The following SDK1 variants were observed in gnomAD, a reference collection of about 807,000 sequenced individuals.
SDK1 encodes the protein protein sidekick-1.
Under a neutral mutation model 245.5 loss-of-function variants are expected in SDK1, and 157 were observed. The observed-to-expected ratio is 0.64, with a 90% confidence interval of 0.56 to 0.73. The LOEUF is 0.73. Among genes scored for constraint, SDK1 ranks in the 30% least tolerant of loss-of-function variants. The pLI, the probability that SDK1 is intolerant of heterozygous loss-of-function variation, is 0.00. For synonymous variants in SDK1, 1,647 were observed against 1,278.5 expected (o/e 1.29, Z -6.15); for missense variants, 3,583 against 3,002.3 (o/e 1.19, Z -4.52).
At chr7:4,105,909 C>A (rs1175343664) in intron 22 of SDK1, among the ~76,000 whole-genome samples, 1 of 152,250 alleles carries the variant, frequency 6.6e-6, no homozygotes, top group South Asian at 2.1e-4. Context: ...TGACAAACCG[C>A]GGCTGCAGGA....
At position 3,969,444 on chromosome 7, in the gene SDK1, C is replaced by A. The variant is rs369932117; in HGVS notation, c.1714+20C>A. On this transcript the variant is annotated intron_variant, in intron 11 of 44. Coordinates refer to ENST00000404826, the MANE Select transcript of SDK1 (RefSeq NM_152744.4). ...TGTGGAGTAAGGAGCAGCCCTCGCA[C>A]GTCGGCCTTCTGTTAGCCACGGTTT... The A allele has an allele frequency of 9.8e-5, 148 of 1,507,064 alleles. No individual in the cohort carries two copies. In the African/African-American group the frequency reaches 1.9e-3, roughly 19 times the overall value. The allele number at this position is 1,507,064 out of a possible 1,614,324, so 93.4% of individuals were successfully genotyped here.
At chr7:4,044,061 T>TA (rs1489912835) in intron 17 of SDK1, among the ~76,000 whole-genome samples, 4 of 152,202 alleles carry the variant, frequency 2.6e-5, no homozygotes, top group African/African-American at 4.8e-5. Flanking sequence ...CCCCAAAACT[T>TA]AGAGATTAAA....
chr7:3,900,649 T>A (rs1292419958), intron 5 of SDK1, among the ~76,000 whole-genome samples: 1 of 152,104 alleles, frequency 6.6e-6, no homozygotes, highest in African/African-American at 2.4e-5. Flanking sequence ...AAATGTAAGG[T>A]GAATTAACTG....
chr7:3,547,065 G>C (rs918239007), intron 1 of SDK1, among the ~76,000 whole-genome samples: 1 of 152,068 alleles, frequency 6.6e-6, no homozygotes, highest in Non-Finnish European at 1.5e-5. Flanking sequence ...ACCAGCACTA[G>C]CATTTTTCTT....
intron 5 of SDK1, among the ~76,000 whole-genome samples, chr7:3,823,976 T>C (rs1779708467): frequency 6.6e-6 from 1 of 151,506 alleles, no homozygotes; most frequent in African/African-American, 2.4e-5. Flanking sequence ...TTTTTTTTTC[T>C]GCTAAAAGTT....
chr7:4,265,054 C>T, intron 44 of SDK1, 70 bp from the exon 45 acceptor site: 1 of 1,556,180 alleles, frequency 6.4e-7, no homozygotes, highest in Non-Finnish European at 8.6e-7. Flanking sequence ...CACCGCCAGG[C>T]CTCCTGCCCA....
chr7:4,004,716 T>A (rs916192678), intron 14 of SDK1, among the ~76,000 whole-genome samples: 14 of 152,324 alleles, frequency 9.2e-5, no homozygotes, highest in African/African-American at 3.1e-4. Flanking sequence ...TGTCAATTCA[T>A]CCCTAAGTGA....
chr7:4,137,491 C>T (rs996794601), intron 28 of SDK1, among the ~76,000 whole-genome samples: 6 of 152,176 alleles, frequency 3.9e-5, no homozygotes, highest in South Asian at 2.1e-4. Flanking sequence ...AGGCCCGTGG[C>T]GCAGTCCCTT....
chr7:3,991,252 GCCCGTGAGAT>G, intron 14 of SDK1, among the ~76,000 whole-genome samples: 1 of 152,150 alleles, frequency 6.6e-6, no homozygotes, highest in Non-Finnish European at 1.5e-5. Context: ...GGAAACAACT[GCCCGTGAGAT>G]GGGGCTGGGG....
At chr7:3,619,517 T>G (rs1253745686) in intron 2 of SDK1, among the ~76,000 whole-genome samples, 1 of 152,210 alleles carries the variant, frequency 6.6e-6, no homozygotes, top group Non-Finnish European at 1.5e-5. Flanking sequence ...GCAATGCCAA[T>G]AACAGCTTTG....
At chr7:3,393,284 T>C (rs1475236894) in intron 1 of SDK1, among the ~76,000 whole-genome samples, 1 of 152,070 alleles carries the variant, frequency 6.6e-6, no homozygotes, top group East Asian at 1.9e-4. Flanking sequence ...TATTTTCAGT[T>C]CTTTTGGATG....
At chr7:3,829,437 C>G (rs1266877526) in intron 5 of SDK1, among the ~76,000 whole-genome samples, 1 of 152,108 alleles carries the variant, frequency 6.6e-6, no homozygotes, top group Admixed American at 6.5e-5. Flanking sequence ...CACGACAGCC[C>G]TGTGAGTTAA....
intron 4 of SDK1, among the ~76,000 whole-genome samples, chr7:3,708,851 C>T (rs1367222068): frequency 1.3e-5 from 2 of 152,230 alleles, no homozygotes; most frequent in East Asian, 1.9e-4. Flanking sequence ...TCTATCTATT[C>T]TGCCCATGTG....
At chr7:3,379,252 G>C (rs920316905) in intron 1 of SDK1, among the ~76,000 whole-genome samples, 1 of 152,172 alleles carries the variant, frequency 6.6e-6, no homozygotes, top group Admixed American at 6.5e-5. Context: ...TGGAGCTTAT[G>C]TATGGTCTTG....
intron 4 of SDK1, among the ~76,000 whole-genome samples, chr7:3,811,736 C>T (rs762133703): frequency 4.6e-5 from 7 of 152,154 alleles, no homozygotes; most frequent in Non-Finnish European, 8.8e-5. Context: ...GCCAGAGCTC[C>T]GGTGGAAGGC....
chr7:4,262,529 C>T (rs999508029), intron 44 of SDK1, among the ~76,000 whole-genome samples: 7 of 151,752 alleles, frequency 4.6e-5, no homozygotes, highest in Non-Finnish European at 8.8e-5. Flanking sequence ...GCCACTTTTC[C>T]GTGTGTTTGA....
chr7:4,171,793 G>A (rs1340835631), intron 32 of SDK1, among the ~76,000 whole-genome samples: 1 of 152,264 alleles, frequency 6.6e-6, no homozygotes, highest in African/African-American at 2.4e-5. Flanking sequence ...TCTCTGGTCT[G>A]TGGTGGGCAG....
chr7:4,067,264 C>T (rs1471586309), intron 19 of SDK1, among the ~76,000 whole-genome samples: 4 of 152,172 alleles, frequency 2.6e-5, no homozygotes, highest in South Asian at 2.1e-4. Flanking sequence ...GCAAGGGGGC[C>T]GCAGGGCACA....
At chr7:3,759,310 TTGG>T (rs1562422363) in intron 4 of SDK1, among the ~76,000 whole-genome samples, 1 of 152,178 alleles carries the variant, frequency 6.6e-6, no homozygotes, top group Non-Finnish European at 1.5e-5. Context: ...AATGCTCATG[TTGG>T]TGGCTATTGA....
Sources: allele counts gnomAD v4.1 joint callset (sites outside exome capture counted in the v4.1 genomes callset), GRCh38; gene constraint gnomAD v4.1.1; transcripts MANE v1.5; gene names NCBI Gene and HGNC (gene_info 2026-07-23, HGNC 2026-07-21).